Variants in CTNNA3 observed in about 807,000 individuals in gnomAD.
CTNNA3 encodes catenin alpha-3.
A neutral mutation model predicts 95.7 loss-of-function variants in CTNNA3; 76 were observed. The ratio of observed to expected loss-of-function variants is 0.79; its 90% CI spans 0.66 to 0.96. The LOEUF is 0.96. Among genes scored for constraint, CTNNA3 ranks in the 40% least tolerant of loss-of-function variants. The probability of loss-of-function intolerance (pLI) is 0.00; values close to 1 mark genes in which losing one functional copy is unlikely to be tolerated. For missense variants in CTNNA3, 1,191 were observed against 1,089.8 expected (o/e 1.09, Z -1.31); for synonymous variants, 431 against 374.4 (o/e 1.15, Z -1.74).
chr10:66,520,002 T>C (rs976403260), intron 11 of CTNNA3, among the ~76,000 whole-genome samples: 1 of 152,078 alleles, frequency 6.6e-6, no homozygotes, highest in African/African-American at 2.4e-5. Context: ...TTTGAAAATC[T>C]AGGAAAAACC....
At chr10:66,333,271 T>G (rs970201357) in intron 12 of CTNNA3, among the ~76,000 whole-genome samples, 11 of 151,976 alleles carry the variant, frequency 7.2e-5, no homozygotes, top group Non-Finnish European at 1.5e-4. Context: ...CTTCTGGTAG[T>G]TTTTGAATGT....
At chr10:66,763,337 C>CAGAGAG (rs1204351413) in intron 9 of CTNNA3, among the ~76,000 whole-genome samples, 1,624 of 126,588 alleles carry the variant, frequency 0.013, 27 homozygotes, top group African/African-American at 0.04. Flanking sequence ...CACACACACA[C>CAGAGAG]ACACAGAGAG....
intron 7 of CTNNA3, chr10:67,099,220 T>G (rs1858190352): frequency 1.3e-5 from 2 of 151,838 alleles, no homozygotes; most frequent in Admixed American, 1.3e-4. Context: ...TAAGAAAACC[T>G]GAGTCTTTAG....
chr10:66,108,328 T>A (rs926649311), intron 13 of CTNNA3, among the ~76,000 whole-genome samples: 1 of 152,106 alleles, frequency 6.6e-6, no homozygotes, highest in African/African-American at 2.4e-5. Context: ...ATCAGTGACA[T>A]TTCTGTTACA....
At chr10:66,283,879 T>C (rs1319959587) in intron 12 of CTNNA3, among the ~76,000 whole-genome samples, 1 of 151,872 alleles carries the variant, frequency 6.6e-6, no homozygotes, top group East Asian at 1.9e-4. Flanking sequence ...GTAATCAGTT[T>C]ATGGTAATTT....
At chr10:66,307,965 C>G (rs1208328015) in intron 12 of CTNNA3, among the ~76,000 whole-genome samples, 1 of 152,120 alleles carries the variant, frequency 6.6e-6, no homozygotes, top group Non-Finnish European at 1.5e-5. Context: ...CTGAGGCATA[C>G]CTGGAAGAGA....
At chr10:67,284,525 C>A (rs918493236) in intron 5 of CTNNA3, among the ~76,000 whole-genome samples, 1 of 151,892 alleles carries the variant, frequency 6.6e-6, no homozygotes, top group Non-Finnish European at 1.5e-5. Flanking sequence ...GTACTTACAG[C>A]GAGTAAGTAA....
intron 11 of CTNNA3, among the ~76,000 whole-genome samples, chr10:66,439,889 A>G (rs1255861708): frequency 6.6e-6 from 1 of 152,194 alleles, no homozygotes; most frequent in African/African-American, 2.4e-5. Context: ...TACCTCAAAG[A>G]AAATCTGTAT....
intron 7 of CTNNA3, among the ~76,000 whole-genome samples, chr10:67,110,018 C>A (rs1355338920): frequency 1.3e-5 from 2 of 151,998 alleles, no homozygotes; most frequent in East Asian, 3.9e-4. Context: ...ATGGCAAAGG[C>A]AGCCATGAGA....
At chr10:66,146,494 C>A (rs1352729130) in intron 13 of CTNNA3, among the ~76,000 whole-genome samples, 1 of 152,130 alleles carries the variant, frequency 6.6e-6, no homozygotes, top group East Asian at 1.9e-4. Context: ...AGCATAAAGA[C>A]AATTACAGAC....
intron 7 of CTNNA3, among the ~76,000 whole-genome samples, chr10:67,077,920 G>A (rs1564875598): frequency 6.6e-6 from 1 of 152,100 alleles, no homozygotes; most frequent in Non-Finnish European, 1.5e-5. Flanking sequence ...GGAAGGGAAG[G>A]GGACAGAGAG....
chr10:67,416,401 G>A lies in CTNNA3; in HGVS notation c.579+105441C>T, dbSNP rs1284854727. Reference sequence around the variant, plus strand: ...AGGAGGGTGGTTCACGAGGTCAGGAGATCGAGACCATCCTGGCTAACACAG... The same window carrying A: ...AGGAGGGTGGTTCACGAGGTCAGGAAATCGAGACCATCCTGGCTAACACAG... On this transcript the variant is annotated intron_variant, in intron 5 of 17. Coordinates refer to ENST00000433211, the MANE Select transcript of CTNNA3 (RefSeq NM_013266.4). Among the ~76,000 whole-genome samples the A allele has an allele frequency of 5.3e-5, 8 of 151,922 alleles. No homozygotes were observed. In the East Asian group the frequency reaches 1.4e-3, roughly 26 times the overall value.
intron 15 of CTNNA3, among the ~76,000 whole-genome samples, chr10:66,012,949 G>A (rs1248389252): frequency 6.6e-6 from 1 of 152,182 alleles, no homozygotes; most frequent in Non-Finnish European, 1.5e-5. Flanking sequence ...CACCCAGGCT[G>A]GAGTGCAATG....
chr10:67,153,781 T>C (rs908022354), intron 7 of CTNNA3, among the ~76,000 whole-genome samples: 7 of 152,210 alleles, frequency 4.6e-5, no homozygotes, highest in African/African-American at 1.7e-4. Context: ...TGAAGTTGCT[T>C]TGTATTTTAT....
At chr10:66,731,985 T>A (rs1485230842) in intron 9 of CTNNA3, among the ~76,000 whole-genome samples, 10 of 152,214 alleles carry the variant, frequency 6.6e-5, no homozygotes, top group African/African-American at 2.4e-4. Context: ...TTCAGAAAAT[T>A]AGCTCTTATG....
At chr10:67,755,527 C>T (rs186007036) in intron 1 of CTNNA3, among the ~76,000 whole-genome samples, 2 of 152,096 alleles carry the variant, frequency 1.3e-5, no homozygotes, top group African/African-American at 4.8e-5. Flanking sequence ...ATCAGCAGGG[C>T]ATGGTGGCTC....
intron 7 of CTNNA3, among the ~76,000 whole-genome samples, chr10:66,965,943 C>A (rs1030170481): frequency 1.3e-5 from 2 of 152,114 alleles, no homozygotes. Flanking sequence ...TTTGCAAGCA[C>A]TATATAAGTC....
intron 15 of CTNNA3, among the ~76,000 whole-genome samples, chr10:66,029,571 G>C (rs2079410661): frequency 6.6e-6 from 1 of 152,098 alleles, no homozygotes; most frequent in African/African-American, 2.4e-5. Context: ...CCTACAACCA[G>C]CAAGAATGGT....
intron 13 of CTNNA3, among the ~76,000 whole-genome samples, chr10:66,241,564 A>G (rs16922695): frequency 0.21 from 32,383 of 151,842 alleles, 3,642 homozygotes; most frequent in South Asian, 0.29. Flanking sequence ...ATCAAAAGCC[A>G]TTAGATTCAC....
Sources: allele counts gnomAD v4.1 joint callset (sites outside exome capture counted in the v4.1 genomes callset), GRCh38; gene constraint gnomAD v4.1.1; transcripts MANE v1.5; gene names NCBI Gene and HGNC (gene_info 2026-07-23, HGNC 2026-07-21).